The following RYR3 variants were observed in gnomAD, a reference collection of about 807,000 sequenced individuals.
RYR3 encodes the protein ryanodine receptor 3.
In RYR3, 207 loss-of-function variants were observed where a neutral mutation model predicts 584.3. The observed-to-expected ratio is 0.35, with a 90% CI of 0.32 to 0.40. The LOEUF is 0.40. Among genes scored for constraint, RYR3 ranks in the 10% least tolerant of loss-of-function variants. The pLI is 1.00. For synonymous variants in RYR3, 2,416 were observed against 2,248.5 expected, an observed-to-expected ratio of 1.07 and a Z score of -2.11; for missense variants, 5,616 against 6,089.2, an observed-to-expected ratio of 0.92 and a Z score of 2.59.
rs186187714 is a variant in RYR3 at position 33,828,368 on chromosome 15, T to C, written c.11334+1081T>C. On this transcript the variant is annotated intron_variant, in intron 85 of 103. Transcript: ENST00000634891. ...AGGAAGAGTCACACATCTCCCACTTTAAATCAAAAGCTGGAAATGATTAAG... is the reference window on the plus strand; with the variant it reads ...AGGAAGAGTCACACATCTCCCACTTCAAATCAAAAGCTGGAAATGATTAAG... Among the ~76,000 whole-genome samples, 7 of 152,344 alleles carry C rather than the reference T, an allele frequency of 4.6e-5. No individual in the cohort carries two copies. The East Asian group carries it at 1.2e-3, about 25-fold the overall frequency.
chr15:33,631,270 C>A lies in RYR3; in HGVS notation c.2844C>A (p.Leu948=). 6.3e-7 allele frequency: 1 copy of A among 1,586,740 alleles called. No homozygotes were observed. Among genetic ancestry groups the A allele is most frequent in the East Asian group, 2.3e-5 (1 of 43,938 alleles). ...TTAACCCAGCTGCTGAGGAGGATCT[C>A]AAGAAGGTCAAACTGCCCAAAAAGT... ...AHVNPAAEED[L]KKVKLPKNYM... Residue 948 remains leucine (L), a synonymous_variant, in exon 23 of 104, where the codon CTC becomes CTA. Transcript: ENST00000634891.
intron 19 of RYR3, among the ~76,000 whole-genome samples, chr15:33,618,713 A>G (rs754880998): frequency 7.2e-5 from 11 of 152,230 alleles, no homozygotes; most frequent in Non-Finnish European, 1.3e-4. Context: ...GATAACAGTA[A>G]TGAGACATCT....
chr15:33,739,844 G>T lies in RYR3; in HGVS notation c.7669G>T (p.Asp2557Tyr). The T allele has an allele frequency of 6.2e-7, 1 of 1,613,432 alleles. No homozygotes were observed. Among genetic ancestry groups the T allele is most frequent in the Non-Finnish European group, 8.5e-7 (1 of 1,179,640 alleles). ...DSLSHKKYDPDLFRMALPCLS... is the reference protein window; with the variant it reads ...DSLSHKKYDPYLFRMALPCLS... ...TTTTCCCTCACAGAAATATGACCCA[G>T]ATCTTTTCCGAATGGCCCTGCCTTG... The change falls in exon 51 of 104, where the codon GAT becomes TAT. Residue 2557 changes from aspartate (D) to tyrosine (Y), a missense_variant. Asp to Tyr is a radical substitution (Grantham distance 160). Around this residue, in one of 9 missense-constraint regions of RYR3, gnomAD observed 1,280 missense variants for 1,426.2 expected, o/e 0.90. Coordinates refer to ENST00000634891, the MANE Select transcript of RYR3 (RefSeq NM_001036.6).
chr15:33,598,072 T>C (rs962975506), intron 16 of RYR3, among the ~76,000 whole-genome samples: 18 of 151,646 alleles, frequency 1.2e-4, no homozygotes, highest in African/African-American at 4.4e-4. Context: ...AAAAGTCTGG[T>C]GGTGCTAGAG....
intron 1 of RYR3, among the ~76,000 whole-genome samples, chr15:33,403,612 C>T (rs573735233): frequency 6.8e-6 from 1 of 147,094 alleles, no homozygotes; most frequent in Admixed American, 6.6e-5. Context: ...TAATAATTGA[C>T]AACTTTTCAG....
chr15:33,548,734 G>T (rs2056442066), intron 9 of RYR3, among the ~76,000 whole-genome samples: 1 of 152,200 alleles, frequency 6.6e-6, no homozygotes, highest in Admixed American at 6.5e-5. Context: ...AGACTTTCCA[G>T]CCACAAGCTT....
At chr15:33,358,792 A>G (rs1212309974) in intron 1 of RYR3, among the ~76,000 whole-genome samples, 1 of 152,174 alleles carries the variant, frequency 6.6e-6, no homozygotes, top group Non-Finnish European at 1.5e-5. Context: ...GACCAAAATA[A>G]TGAGGCACTT....
rs2077118700 is a variant in RYR3 at position 33,821,740 on chromosome 15, C to T, written c.10995+138C>T. 3 of 722,150 alleles carry T rather than the reference C, an allele frequency of 4.2e-6. No homozygotes were observed. In the African/African-American group the frequency reaches 5.3e-5, roughly 13 times the overall value. 44.7% of individuals were successfully genotyped at this position (722,150 alleles called of 1,614,324 possible). ...TTAGCTCACGTTTGTCCTTAGTGGC[C>T]AGTTATATCAGAGTAGCTGGGAACG... On this transcript the variant is annotated intron_variant, in intron 80 of 103. Transcript: ENST00000634891.
rs1385551494 is a variant in RYR3, at chr15:33,707,048, G to A, written c.6613G>A (p.Val2205Met). 8 of 1,613,724 alleles carry A rather than the reference G, an allele frequency of 5.0e-6. No homozygotes were observed. Among genetic ancestry groups the A allele is most frequent in the African/African-American group, 2.7e-5 (2 of 74,908 alleles). Reference protein sequence around the residue: ...YLSFLRFAVFVNSESVEENAS... With the variant: ...YLSFLRFAVFMNSESVEENAS... ...GTCCTTCCTGAGGTTTGCTGTCTTC[G>A]TGAACAGTGAGTCCCACATTTTTCC... is the stretch of plus-strand genomic sequence containing the variant. The change falls in exon 43 of 104, where the codon GTG becomes ATG. Residue 2205 changes from valine (V) to methionine (M), a missense_variant. By Grantham distance (21) the Val-to-Met change is conservative. Transcript: ENST00000634891.
At chr15:33,669,851 G>C (rs1312832930) in intron 37 of RYR3, among the ~76,000 whole-genome samples, 5 of 47,110 alleles carry the variant, frequency 1.1e-4, no homozygotes, top group Non-Finnish European at 1.6e-4. Context: ...TGTGGGGGGG[G>C]GGGGGGGTGT....
Position 33,701,182 on chromosome 15 carries a change from T to C in RYR3, c.6483+102T>C, listed in dbSNP as rs1001970945. ...GGATGGAGTCTCTGTCACTGTATCGTCATCTTGGTGGGCTTGTAGGGAAAG... is the reference window on the plus strand; with the variant it reads ...GGATGGAGTCTCTGTCACTGTATCGCCATCTTGGTGGGCTTGTAGGGAAAG... On this transcript the variant is annotated intron_variant, in intron 42 of 103. Coordinates refer to ENST00000634891, the MANE Select transcript of RYR3 (RefSeq NM_001036.6). The C allele has an allele frequency of 3.1e-5, 22 of 699,866 alleles. No individual in the cohort carries two copies. The Admixed American group carries it at 3.4e-4, about 11-fold the overall frequency. The allele number at this position is 699,866 out of a possible 1,614,324, so 43.4% of individuals were successfully genotyped here. A position where few individuals can be genotyped will look rare whatever the true frequency, so the allele number is the denominator to read the frequency against.
chr15:33,380,901 ATATTT>A (rs2041138499), intron 1 of RYR3, among the ~76,000 whole-genome samples: 1 of 152,236 alleles, frequency 6.6e-6, no homozygotes, highest in Admixed American at 6.5e-5. Context: ...AATAAAACAA[ATATTT>A]TAAAGAAGGA....
At chr15:33,789,012 T>A (rs1177219208) in intron 67 of RYR3, among the ~76,000 whole-genome samples, 1 of 152,048 alleles carries the variant, frequency 6.6e-6, no homozygotes, top group Non-Finnish European at 1.5e-5. Context: ...AAATCAACAT[T>A]TGAGCAAAGA....
Position 33,645,020 on chromosome 15 carries a change from AT to A in RYR3, c.3765+509del, listed in dbSNP as rs571165659. ...GAGAGAGACCTCGTCTCTTGAAACA[AT>A]TTTTTTTATTAAAAAAAAATTTAAA... On this transcript the variant is annotated intron_variant, in intron 28 of 103. Coordinates refer to ENST00000634891, the MANE Select transcript of RYR3 (RefSeq NM_001036.6). Among the ~76,000 whole-genome samples, 52 of 151,630 alleles carry A rather than the reference AT, an allele frequency of 3.4e-4. No individual in the cohort carries two copies. The East Asian group carries it at 8.4e-3, about 24-fold the overall frequency.
At chr15:33,579,883 C>G in intron 12 of RYR3, 93 bp from the exon 13 acceptor site, 1 of 917,774 alleles carries the variant, frequency 1.1e-6, no homozygotes, top group South Asian at 2.6e-5. Context: ...CATGGTGCAC[C>G]GTGGGGGGCT....
At chr15:33,616,383 T>C (rs1197499446) in intron 19 of RYR3, among the ~76,000 whole-genome samples, 1 of 152,078 alleles carries the variant, frequency 6.6e-6, no homozygotes, top group Middle Eastern at 3.2e-3. Flanking sequence ...AGTGGAGGGA[T>C]TTTTTTGGAA....
Position 33,787,518 on chromosome 15 carries a change from TA to T in RYR3, c.9590-688del, listed in dbSNP as rs1015449686. On this transcript the variant is annotated intron_variant, in intron 66 of 103. Transcript: ENST00000634891. ...TTTTTCTTACAATTACTCTGGTCTT[TA>T]AAAAAAAAAAACAAAAACAAACAAA... Among the ~76,000 whole-genome samples the T allele has an allele frequency of 2.0e-3, 260 of 132,784 alleles. 2 individuals carry two copies. The highest frequency in any genetic ancestry group is 4.0e-3 in the African/African-American group (152 of 37,706). The allele number at this position is 132,784 out of a possible 152,430, so 87.1% of individuals were successfully genotyped here. A position where few individuals can be genotyped will look rare whatever the true frequency, so the allele number is the denominator to read the frequency against.
chr15:33,618,547 T>C (rs995663110), intron 19 of RYR3, among the ~76,000 whole-genome samples: 7 of 152,226 alleles, frequency 4.6e-5, no homozygotes, highest in Non-Finnish European at 8.8e-5. Flanking sequence ...TTCTCCAGTC[T>C]TAGCGATAGG....
At chr15:33,765,702 A>C (rs1008280282) in intron 60 of RYR3, among the ~76,000 whole-genome samples, 2 of 151,998 alleles carry the variant, frequency 1.3e-5, no homozygotes, top group Admixed American at 1.3e-4. Flanking sequence ...GCATCCAGTG[A>C]ACAGTGTACA....
Sources: allele counts gnomAD v4.1 joint callset (sites outside exome capture counted in the v4.1 genomes callset), GRCh38; gene constraint gnomAD v4.1.1; regional missense constraint gnomAD v4.1.1; transcripts MANE v1.5; gene names NCBI Gene and HGNC (gene_info 2026-07-23, HGNC 2026-07-21).